The following PAICS variants were observed in gnomAD, a reference collection of about 807,000 sequenced individuals.
PAICS encodes phosphoribosylaminoimidazole carboxylase and phosphoribosylaminoimidazolesuccinocarboxamide synthase.
PAICS carries 33 observed loss-of-function variants against 53.7 expected under a neutral mutation model. That is an observed-to-expected ratio of 0.61 (90% CI 0.47 to 0.82). The LOEUF is 0.82. PAICS is among the 40% of genes least tolerant of loss of function. The pLI, the probability that PAICS is intolerant of heterozygous loss-of-function variation, is 0.00. For missense variants in PAICS, 394 were observed against 494.1 expected (o/e 0.80, Z 1.92); for synonymous variants, 141 against 167.2 (o/e 0.84, Z 1.21).
rs2110083039 is a variant in PAICS at position 56,441,843 on chromosome 4, A to G, written c.197A>G (p.Gln66Arg). ...AATAAAATCACCAGTTGTATTTTTC[A>G]GTTATTACAGGAAGCAGGTAAGCAG... is the stretch of plus-strand genomic sequence containing the variant. ...ISNKITSCIF[Q>R]LLQEAGIKTA... Residue 66 changes from glutamine to arginine, a missense_variant, in exon 2 of 9, where the codon CAG (glutamine) becomes CGG (arginine). This residue lies in a region of PAICS where 168 missense variants were observed against 199.3 expected (regional missense o/e 0.84). Transcript: ENST00000512576. 1 of 1,595,444 alleles carries G rather than the reference A, an allele frequency of 6.3e-7. No homozygotes were observed. The highest frequency in any genetic ancestry group is 1.1e-5 in the South Asian group (1 of 87,528).
intron 8 of PAICS, among the ~76,000 whole-genome samples, chr4:56,457,530 C>A (rs1719277691): frequency 6.6e-6 from 1 of 152,158 alleles, no homozygotes; most frequent in Non-Finnish European, 1.5e-5. Flanking sequence ...TCGAGTCAGT[C>A]ATCTTCTTCT....
intron 1 of PAICS, among the ~76,000 whole-genome samples, chr4:56,438,370 T>TC (rs1560656242): frequency 2.6e-5 from 2 of 77,524 alleles, no homozygotes; most frequent in Non-Finnish European, 4.6e-5. Flanking sequence ...GTGCAATGTG[T>TC]TTATATATAT....
At chr4:56,442,694 A>C (rs1250513897) in intron 2 of PAICS, among the ~76,000 whole-genome samples, 2 of 152,186 alleles carry the variant, frequency 1.3e-5, no homozygotes, top group African/African-American at 4.8e-5. Flanking sequence ...TTTATAATTT[A>C]ATAACTTTCC....
the PAICS span, among the ~76,000 whole-genome samples, chr4:56,414,670 C>G: frequency 2.0e-5 from 3 of 152,160 alleles, no homozygotes; most frequent in African/African-American, 7.2e-5. Flanking sequence ...GTTTCACTAC[C>G]ATCTGTATGT....
chr4:56,437,257 G>T (rs1184957241), intron 1 of PAICS, among the ~76,000 whole-genome samples: 1 of 11,034 alleles, frequency 9.1e-5, no homozygotes, highest in Non-Finnish European at 2.0e-4. Context: ...TGCCATGATG[G>T]TGTGTGTGTG....
chr4:56,426,401 CAA>C, the PAICS span, among the ~76,000 whole-genome samples: 1 of 140,164 alleles, frequency 7.1e-6, no homozygotes. Context: ...GACTCTGTCT[CAA>C]AAAAAAAAAA....
the PAICS span, among the ~76,000 whole-genome samples, chr4:56,430,639 A>G: frequency 6.6e-6 from 1 of 150,886 alleles, no homozygotes. Context: ...GTATTTTTCT[A>G]TGTCTGGATA....
intron 8 of PAICS, among the ~76,000 whole-genome samples, chr4:56,458,944 G>A (rs528368888): frequency 1.3e-5 from 2 of 152,318 alleles, no homozygotes; most frequent in South Asian, 4.1e-4. Flanking sequence ...AATGCAGATA[G>A]AAAGATTAGC....
chr4:56,436,530 A>C, intron 1 of PAICS: 1 of 711,620 alleles, frequency 1.4e-6, no homozygotes, highest in Non-Finnish European at 2.6e-6. Context: ...AGCAAAGTAG[A>C]GGAGAACGAG....
chr4:56,415,344 C>T, the PAICS span, among the ~76,000 whole-genome samples: 1 of 152,184 alleles, frequency 6.6e-6, no homozygotes, highest in African/African-American at 2.4e-5. Context: ...AATTATAATT[C>T]ATCTTCATGT....
upstream of PAICS, among the ~76,000 whole-genome samples, chr4:56,434,826 C>G (rs141422564): frequency 5.0e-3 from 755 of 152,326 alleles, 8 homozygotes; most frequent in African/African-American, 0.017. Flanking sequence ...TCCTCAAGTT[C>G]CCATAGCGAT....
upstream of PAICS, among the ~76,000 whole-genome samples, chr4:56,433,701 T>TG (rs1323443500): frequency 2.8e-5 from 4 of 142,776 alleles, 1 homozygote; most frequent in Non-Finnish European, 6.1e-5. Context: ...TAACAACTGT[T>TG]TTTTTTTTTT....
chr4:56,450,161 G>A (rs117421175), intron 5 of PAICS, among the ~76,000 whole-genome samples: 12,612 of 151,928 alleles, frequency 0.083, 673 homozygotes, highest in East Asian at 0.27. Context: ...ACACACACCG[G>A]GGCCTGTTGC....
At chr4:56,416,447 T>C in the PAICS span, 15 of 478,166 alleles carry the variant, frequency 3.1e-5, no homozygotes, top group Non-Finnish European at 3.8e-5. Flanking sequence ...AGGTATAGTA[T>C]AATGGATGGG....
upstream of PAICS, chr4:56,435,462 A>G: frequency 6.2e-7 from 1 of 1,613,232 alleles, no homozygotes; most frequent in South Asian, 1.1e-5. Flanking sequence ...CGGATCCCCA[A>G]CTCCTCCAGC....
intron 1 of PAICS, among the ~76,000 whole-genome samples, chr4:56,441,007 A>G (rs1315625768): frequency 2.6e-5 from 4 of 152,174 alleles, no homozygotes; most frequent in Non-Finnish European, 1.5e-5. Flanking sequence ...ACAATTTCTT[A>G]CAACTGTTAG....
At chr4:56,423,125 A>G in the PAICS span, 1 of 152,258 alleles carries the variant, frequency 6.6e-6, no homozygotes, top group African/African-American at 2.4e-5. Context: ...GCTGAAGTAT[A>G]TCTGTTAAAA....
rs1483542837 is a variant in PAICS at position 56,464,394 on chromosome 4, G to C, written c.*4856G>C. The C allele has an allele frequency of 8.0e-6, 1 of 125,386 alleles. No individual in the cohort carries two copies. The highest frequency in any genetic ancestry group is 3.4e-4 in the East Asian group (1 of 2,926). The allele number at this position is 125,386 out of a possible 1,614,324, so 7.8% of individuals were successfully genotyped here. ...AGGGTATTGTGAATACACAAAAGTAGGAAGGACTCTGATCTCTAGAAAACA... is the reference window on the plus strand; with the variant it reads ...AGGGTATTGTGAATACACAAAAGTACGAAGGACTCTGATCTCTAGAAAACA... On this transcript the variant is annotated 3_prime_UTR_variant, in exon 9 of 9. Coordinates refer to ENST00000512576, the MANE Select transcript of PAICS (RefSeq NM_001079524.2).
the PAICS span, among the ~76,000 whole-genome samples, chr4:56,416,936 G>A: frequency 6.6e-6 from 1 of 152,136 alleles, no homozygotes; most frequent in African/African-American, 2.4e-5. Context: ...TGTAACCTCT[G>A]CCTCCGGGGT....
Sources: allele counts gnomAD v4.1 joint callset (sites outside exome capture counted in the v4.1 genomes callset), GRCh38; gene constraint gnomAD v4.1.1; regional missense constraint gnomAD v4.1.1; transcripts MANE v1.5; gene names NCBI Gene and HGNC (gene_info 2026-07-23, HGNC 2026-07-21).